Variants in SYCP1 observed in about 807,000 individuals in gnomAD.
SYCP1 encodes the protein cancer/testis antigen 8.
A neutral mutation model predicts 153.1 loss-of-function variants in SYCP1; 64 were observed. The ratio of observed to expected loss-of-function variants is 0.42; its 90% CI spans 0.34 to 0.51. The LOEUF is 0.51. SYCP1 is among the 20% of genes least tolerant of loss of function. The pLI is 0.06. For missense variants in SYCP1, 997 were observed against 1,049.0 expected (o/e 0.95, Z 0.68); for synonymous variants, 384 against 341.8 (o/e 1.12, Z -1.36).
intron 28 of SYCP1, 88 bp from the exon 29 acceptor site, chr1:114,981,248 T>A (rs970357686): frequency 9.7e-7 from 1 of 1,036,196 alleles, no homozygotes; most frequent in Non-Finnish European, 1.4e-6. Context: ...TGTTGTGAAT[T>A]CTACTAGTTG....
At chr1:114,986,227 ATAGT>A (rs1300495618) in intron 30 of SYCP1, among the ~76,000 whole-genome samples, 1 of 152,036 alleles carries the variant, frequency 6.6e-6, no homozygotes, top group Non-Finnish European at 1.5e-5. Flanking sequence ...TCAAGATCAC[ATAGT>A]TAGTAAGACA....
chr1:114,878,163 G>A lies in SYCP1; in HGVS notation c.871G>A (p.Glu291Lys). ...KMKDLTFLLE[E>K]SRDKVNQLEE... ...GAAAGATTTAACATTTCTGCTAGAG[G>A]AATCCAGAGATAAAGTTAATCAATT... The change falls in exon 12 of 32, where the codon GAA becomes AAA. Residue 291 changes from glutamate (E) to lysine (K), a missense_variant. Around this residue, in one of 2 missense-constraint regions of SYCP1, gnomAD observed 285 missense variants for 366.1 expected, o/e 0.78. Coordinates refer to ENST00000369522, the MANE Select transcript of SYCP1 (RefSeq NM_003176.4). The A allele has an allele frequency of 6.3e-7, 1 of 1,584,942 alleles. No individual in the cohort carries two copies. The highest frequency in any genetic ancestry group is 8.6e-7 in the Non-Finnish European group (1 of 1,157,750).
At chr1:114,911,450 T>C (rs751474730) in intron 17 of SYCP1, 29 bp from the exon 18 acceptor site, 7 of 1,494,092 alleles carry the variant, frequency 4.7e-6, no homozygotes. Flanking sequence ...GAAAAACACT[T>C]GCCATAGTTA....
At chr1:114,928,209 G>C (rs528869393) in intron 23 of SYCP1, among the ~76,000 whole-genome samples, 267 of 152,168 alleles carry the variant, frequency 1.8e-3, no homozygotes, top group Admixed American at 2.9e-3. Context: ...CAAATCCAAA[G>C]CAAGATAGGC....
intron 29 of SYCP1, among the ~76,000 whole-genome samples, chr1:114,981,981 C>T (rs547007264): frequency 6.6e-6 from 1 of 152,148 alleles, no homozygotes; most frequent in African/African-American, 2.4e-5. Context: ...TAGTCCTTGG[C>T]AGTCATCTTG....
At chr1:114,895,626 G>T in intron 16 of SYCP1, 117 bp downstream of exon 16, 1 of 505,460 alleles carries the variant, frequency 2.0e-6, no homozygotes, top group Non-Finnish European at 3.2e-6. Flanking sequence ...CAGCTAAAAT[G>T]TAAAAATTAT....
At chr1:114,861,737 G>T (rs1404414153) in intron 8 of SYCP1, among the ~76,000 whole-genome samples, 2 of 150,634 alleles carry the variant, frequency 1.3e-5, no homozygotes, top group African/African-American at 4.9e-5. Flanking sequence ...CTCAATAAAT[G>T]TTGGGTATTT....
chr1:114,978,449 T>C lies in SYCP1; in HGVS notation c.2382+833T>C, dbSNP rs895319271. On this transcript the variant is annotated intron_variant, in intron 28 of 31. Transcript: ENST00000369522. ...AGGAATCAGGAAGAGGTTTGGAATGTTACCCTAGTGGTACTCCCTACATAT... is the reference window on the plus strand; with the variant it reads ...AGGAATCAGGAAGAGGTTTGGAATGCTACCCTAGTGGTACTCCCTACATAT... Among the ~76,000 whole-genome samples the C allele has an allele frequency of 2.6e-5, 4 of 151,594 alleles. No homozygotes were observed. In the East Asian group the frequency reaches 7.7e-4, roughly 29 times the overall value.
At chr1:114,885,419 T>C (rs1054752380) in intron 12 of SYCP1, 116 bp from the exon 13 acceptor site, 18 of 576,984 alleles carry the variant, frequency 3.1e-5, no homozygotes, top group Admixed American at 2.1e-4. Flanking sequence ...CATATTTTCT[T>C]CTCATTTTGG....
chr1:114,938,428 T>G (rs1473328500), intron 23 of SYCP1, among the ~76,000 whole-genome samples: 1 of 151,156 alleles, frequency 6.6e-6, no homozygotes, highest in African/African-American at 2.4e-5. Context: ...GGGATAGCAT[T>G]AGGAGATATA....
rs1672579493 is a variant in SYCP1, at chr1:114,972,807, T to C, written c.2323-4750T>C. ...TTTTGAATGTTTAAGACTTGTTTTG[T>C]GGCTAGCATATGGTCTGTCCTTAAG... is the stretch of plus-strand genomic sequence containing the variant. On this transcript the variant is annotated intron_variant, in intron 27 of 31. Transcript: ENST00000369522. Among the ~76,000 whole-genome samples the C allele has an allele frequency of 2.0e-5, 3 of 152,188 alleles. No individual in the cohort carries two copies. The South Asian group carries it at 6.2e-4, about 31-fold the overall frequency.
intron 23 of SYCP1, among the ~76,000 whole-genome samples, chr1:114,926,868 A>T (rs1398815183): frequency 6.6e-6 from 1 of 152,094 alleles, no homozygotes; most frequent in Non-Finnish European, 1.5e-5. Context: ...AAAAAGTGAA[A>T]TTGAGTAAGT....
At chr1:114,878,234 CT>C (rs753086460) in intron 12 of SYCP1, 32 bp downstream of exon 12, 1 of 1,290,576 alleles carries the variant, frequency 7.7e-7, no homozygotes, top group Non-Finnish European at 1.1e-6. Context: ...TATAATGTGC[CT>C]TATGTATTCC....
Position 114,857,477 on chromosome 1 carries a change from C to T in SYCP1, c.271C>T (p.Leu91=). 6.3e-7 allele frequency: 1 copy of T among 1,599,356 alleles called. No individual in the cohort carries two copies. The highest frequency in any genetic ancestry group is 8.5e-7 in the Non-Finnish European group (1 of 1,172,842). The change falls in exon 5 of 32, where the codon CTA becomes TTA. Residue 91 remains leucine (L), a synonymous_variant. Transcript: ENST00000369522. ...TTCTGACTGTCACTATCAGGAAGGACTAAAAGACTCTGATTTGGAGGTCAG... is the reference window on the plus strand; with the variant it reads ...TTCTGACTGTCACTATCAGGAAGGATTAAAAGACTCTGATTTGGAGGTCAG... ...GNSDCHYQEG[L]KDSDLENSEG...
chr1:114,935,869 C>T (rs1243195066), intron 23 of SYCP1, among the ~76,000 whole-genome samples: 1 of 152,162 alleles, frequency 6.6e-6, no homozygotes, highest in Non-Finnish European at 1.5e-5. Context: ...AGTTGAATCA[C>T]TGAGTAGACC....
chr1:114,895,595 G>A (rs191483608), intron 16 of SYCP1, 86 bp downstream of exon 16: 1 of 651,026 alleles, frequency 1.5e-6, no homozygotes, highest in Non-Finnish European at 2.3e-6. Context: ...TCACACTATA[G>A]ATGTTTTATA....
intron 27 of SYCP1, among the ~76,000 whole-genome samples, chr1:114,972,219 A>G (rs1007957473): frequency 6.6e-6 from 1 of 151,820 alleles, no homozygotes; most frequent in Non-Finnish European, 1.5e-5. Flanking sequence ...CCTCATAGTA[A>G]CCTCTAGCGA....
intron 12 of SYCP1, among the ~76,000 whole-genome samples, chr1:114,883,357 A>G (rs968769451): frequency 6.6e-6 from 1 of 152,222 alleles, no homozygotes; most frequent in Admixed American, 6.5e-5. Flanking sequence ...CTAAAATATG[A>G]AATCTTTGTA....
intron 25 of SYCP1, 149 bp downstream of exon 25, chr1:114,945,131 C>A: frequency 1.7e-6 from 1 of 586,720 alleles, no homozygotes; most frequent in Non-Finnish European, 2.9e-6. Flanking sequence ...ACCCTTGATG[C>A]CCATTTCTTC....
Sources: gnomAD v4.1 joint callset for allele counts (sites outside exome capture counted in the v4.1 genomes callset) on GRCh38, gnomAD v4.1.1 for gene constraint, gnomAD v4.1.1 regional missense constraint, MANE v1.5 for transcripts, NCBI Gene and HGNC (gene_info 2026-07-23, HGNC 2026-07-21) for gene names.